Variants in ADAMTSL3 observed in about 807,000 individuals in gnomAD.
ADAMTSL3 encodes the protein ADAMTS-like protein 3.
ADAMTSL3 carries 128 observed loss-of-function variants against 201.7 expected under a neutral mutation model. The observed-to-expected ratio is 0.63, with a 90% CI of 0.55 to 0.73. ADAMTSL3 has a LOEUF of 0.73. Among genes scored for constraint, ADAMTSL3 ranks in the 30% least tolerant of loss-of-function variants. The pLI is 0.00. For missense variants in ADAMTSL3, 1,990 were observed against 2,119.6 expected, an observed-to-expected ratio of 0.94 and a Z score of 1.20; for synonymous variants, 738 against 748.4, an observed-to-expected ratio of 0.99 and a Z score of 0.23.
chr15:84,012,975 C>A (rs2068030960), intron 23 of ADAMTSL3, among the ~76,000 whole-genome samples: 1 of 152,210 alleles, frequency 6.6e-6, no homozygotes, highest in Admixed American at 6.5e-5. Flanking sequence ...AAAGCCTCAC[C>A]CCAACCCAGC....
intron 3 of ADAMTSL3, among the ~76,000 whole-genome samples, chr15:83,738,026 A>C (rs140474715): frequency 2.1e-4 from 32 of 152,334 alleles, no homozygotes; most frequent in Admixed American, 3.9e-4. Context: ...ATATCTGTTC[A>C]AGTACTACAA....
chr15:83,814,283 C>G (rs2063739081), intron 5 of ADAMTSL3, among the ~76,000 whole-genome samples: 2 of 152,178 alleles, frequency 1.3e-5, no homozygotes, highest in South Asian at 4.1e-4. Flanking sequence ...CTCCAGACTT[C>G]CAGGCCATCT....
At chr15:84,011,608 A>G (rs997285056) in intron 23 of ADAMTSL3, among the ~76,000 whole-genome samples, 1 of 152,226 alleles carries the variant, frequency 6.6e-6, no homozygotes, top group African/African-American at 2.4e-5. Context: ...TAATACAATA[A>G]GACAAGAAAA....
chr15:84,025,715 T>C (rs116754909), intron 27 of ADAMTSL3, among the ~76,000 whole-genome samples: 1 of 152,194 alleles, frequency 6.6e-6, no homozygotes, highest in African/African-American at 2.4e-5. Context: ...AGAATAAAAG[T>C]AGCCTTCAGG....
rs149530914 is a variant in ADAMTSL3 at position 84,014,664 on chromosome 15, G to T, written c.4096G>T (p.Val1366Phe). ...TTCCCTTGAAAATGAAGGAACCTAC[G>T]TCTGCATAGCCACCAATGCTCTTGG... ...NVSLENEGTY[V>F]CIATNALGKA... Residue 1366 changes from valine to phenylalanine, a missense_variant, in exon 24 of 30, where the codon GTC becomes TTC. By Grantham distance (50) the Val-to-Phe change is conservative. Transcript: ENST00000286744. 6.5e-5 allele frequency: 104 copies of T among 1,611,472 alleles called. No homozygotes were observed. The African/African-American group carries it at 1.2e-3, about 18-fold the overall frequency.
chr15:83,930,540 C>G (rs188959974), intron 17 of ADAMTSL3, among the ~76,000 whole-genome samples: 2 of 152,294 alleles, frequency 1.3e-5, no homozygotes, highest in South Asian at 2.1e-4. Context: ...TCCCCTTTCT[C>G]TCATCACTGT....
At chr15:83,891,144 G>A (rs992118577) in intron 11 of ADAMTSL3, 185 bp from the exon 12 acceptor site, 9 of 528,420 alleles carry the variant, frequency 1.7e-5, no homozygotes, top group Admixed American at 3.4e-5. Context: ...AATTTGTGTC[G>A]TAGATATTCT....
intron 2 of ADAMTSL3, among the ~76,000 whole-genome samples, chr15:83,696,490 G>A (rs1366215820): frequency 6.6e-6 from 1 of 152,126 alleles, no homozygotes; most frequent in Non-Finnish European, 1.5e-5. Flanking sequence ...AGCAATAATG[G>A]CTCAGGGCTT....
At chr15:83,928,995 A>G (rs2066298661) in intron 17 of ADAMTSL3, among the ~76,000 whole-genome samples, 1 of 152,162 alleles carries the variant, frequency 6.6e-6, no homozygotes, top group Non-Finnish European at 1.5e-5. Context: ...CTTAATTCAG[A>G]TATGTTTTAC....
At chr15:84,000,100 C>G (rs967933949) in intron 23 of ADAMTSL3, among the ~76,000 whole-genome samples, 1 of 151,068 alleles carries the variant, frequency 6.6e-6, no homozygotes, top group Non-Finnish European at 1.5e-5. Flanking sequence ...AATGTATTTA[C>G]CCACCAGTTT....
intron 17 of ADAMTSL3, among the ~76,000 whole-genome samples, chr15:83,928,571 C>T (rs763544571): frequency 6.6e-6 from 1 of 152,178 alleles, no homozygotes. Flanking sequence ...CCTAAGAACA[C>T]TGATGAAACT....
chr15:83,810,224 C>A (rs898342622), intron 5 of ADAMTSL3, among the ~76,000 whole-genome samples: 6 of 152,182 alleles, frequency 3.9e-5, no homozygotes, highest in Non-Finnish European at 8.8e-5. Context: ...TGCTTCACAT[C>A]TCTGGTGATT....
chr15:84,023,441 G>C (rs1412626853), intron 26 of ADAMTSL3, among the ~76,000 whole-genome samples: 1 of 152,148 alleles, frequency 6.6e-6, no homozygotes, highest in African/African-American at 2.4e-5. Flanking sequence ...CAGGGTCACA[G>C]TGTAAAGCAA....
chr15:83,838,183 G>T lies in ADAMTSL3; in HGVS notation c.695G>T (p.Gly232Val). The T allele has an allele frequency of 3.7e-6, 6 of 1,613,156 alleles. No homozygotes were observed. Among genetic ancestry groups the T allele is most frequent in the Non-Finnish European group, 5.1e-6 (6 of 1,179,630 alleles). The change falls in exon 7 of 30, where the codon GGA becomes GTA. Residue 232 changes from glycine (G) to valine (V), a missense_variant. Coordinates refer to ENST00000286744, the MANE Select transcript of ADAMTSL3 (RefSeq NM_207517.3). Reference protein sequence around the residue: ...GDGSTCRLVRGQSKSHVSPEK... With the variant: ...GDGSTCRLVRVQSKSHVSPEK... ...GGCTCCACCTGCAGGCTTGTACGGG[G>T]ACAATCAAAGTCACACGTTTCTCCT...
rs1271282342 is a variant in ADAMTSL3, at chr15:84,039,761, TGA to T, written c.*1959_*1960del. The T allele has an allele frequency of 6.5e-6, 1 of 152,686 alleles. No individual in the cohort carries two copies. Among genetic ancestry groups the T allele is most frequent in the Non-Finnish European group, 1.5e-5 (1 of 68,040 alleles). The allele number at this position is 152,686 out of a possible 1,614,324, so 9.5% of individuals were successfully genotyped here. On this transcript the variant is annotated 3_prime_UTR_variant, in exon 30 of 30. Transcript: ENST00000286744. ...GTATTTTACTACTGTTTTTATAACA[TGA>T]GAGTTAATGTTTCTGTTTCATGATC... is the stretch of plus-strand genomic sequence containing the variant.
intron 6 of ADAMTSL3, among the ~76,000 whole-genome samples, chr15:83,821,947 C>T (rs570906911): frequency 4.3e-4 from 62 of 145,336 alleles, no homozygotes; most frequent in African/African-American, 1.5e-3. Flanking sequence ...TAGGGGCGGC[C>T]GGGCAGAGGC....
chr15:83,796,553 C>G (rs935878992), intron 4 of ADAMTSL3, among the ~76,000 whole-genome samples: 1 of 152,158 alleles, frequency 6.6e-6, no homozygotes. Context: ...ACATCATAAA[C>G]ATACCAATTT....
At chr15:83,806,127 G>T (rs889297512) in intron 5 of ADAMTSL3, among the ~76,000 whole-genome samples, 1 of 14,452 alleles carries the variant, frequency 6.9e-5, no homozygotes, top group Non-Finnish European at 1.0e-4. Flanking sequence ...AGTAACCACT[G>T]ATCTTTCCAT....
intron 3 of ADAMTSL3, among the ~76,000 whole-genome samples, chr15:83,727,543 C>T (rs1052386424): frequency 1.3e-5 from 2 of 151,790 alleles, no homozygotes; most frequent in African/African-American, 2.4e-5. Context: ...CTTAGTACTA[C>T]TTTTGCTGTA....
Sources: gnomAD v4.1 joint callset for allele counts (sites outside exome capture counted in the v4.1 genomes callset) on GRCh38, gnomAD v4.1.1 for gene constraint, MANE v1.5 for transcripts, NCBI Gene and HGNC (gene_info 2026-07-23, HGNC 2026-07-21) for gene names.